The following TECPR1 variants were observed in gnomAD, a reference collection of about 807,000 sequenced individuals.
The protein encoded by TECPR1 is tectonin beta-propeller repeat-containing protein 1.
In TECPR1, 122 loss-of-function variants were observed where a neutral mutation model predicts 162.4. The ratio of observed to expected loss-of-function variants is 0.75; its 90% CI spans 0.65 to 0.87. The LOEUF is 0.87. Ranked by LOEUF, TECPR1 falls within the 40% of genes least tolerant of loss-of-function variation. The pLI is 0.00. For synonymous variants in TECPR1, 642 were observed against 670.6 expected (o/e 0.96, Z 0.66); for missense variants, 1,432 against 1,618.2 (o/e 0.88, Z 1.97).
chr7:98,231,320 C>G lies in TECPR1; in HGVS notation c.2028G>C (p.Glu676Asp). Reference sequence around the variant, plus strand: ...TGTACAGGGCAAAGGAGTGCTTGGTCTCGTTCAGCACTGGGACCAGCGCCA... The same window carrying G: ...TGTACAGGGCAAAGGAGTGCTTGGTGTCGTTCAGCACTGGGACCAGCGCCA... The part of the protein sequence containing the change: ...EVVALVPVLN[E>D]TKHSFALYTP... Residue 676 changes from glutamate to aspartate, a missense_variant, in exon 14 of 26, where the codon GAG (glutamate) becomes GAC (aspartate). Physicochemically the swap from Glu to Asp is conservative, Grantham distance 45. Coordinates refer to ENST00000447648, the MANE Select transcript of TECPR1 (RefSeq NM_015395.3). 1 of 1,611,796 alleles carries G rather than the reference C, an allele frequency of 6.2e-7. No individual in the cohort carries two copies. Among genetic ancestry groups the G allele is most frequent in the Admixed American group, 1.7e-5 (1 of 59,616 alleles).
chr7:98,248,736 A>G (rs1798978487), intron 2 of TECPR1, among the ~76,000 whole-genome samples: 1 of 151,656 alleles, frequency 6.6e-6, no homozygotes, highest in African/African-American at 2.4e-5. Context: ...AATCTCAGTT[A>G]CTCAGGAGAC....
At chr7:98,243,930 G>A (rs1161818204) in intron 5 of TECPR1, among the ~76,000 whole-genome samples, 2 of 152,200 alleles carry the variant, frequency 1.3e-5, no homozygotes, top group Admixed American at 6.5e-5. Flanking sequence ...GGGCATGGTG[G>A]TGCATGCCTG....
At position 98,240,910 on chromosome 7, in the gene TECPR1, C is replaced by A; in HGVS notation, c.874G>T (p.Gly292Trp). The A allele has an allele frequency of 6.2e-7, 1 of 1,609,682 alleles. No homozygotes were observed. The highest frequency in any genetic ancestry group is 2.2e-5 in the East Asian group (1 of 44,832). ...SIVEPPGSENGVMHISVGVSV... is the reference protein window; with the variant it reads ...SIVEPPGSENWVMHISVGVSV... Reference sequence around the variant, plus strand: ...ACTCCCACCGAGATGTGCATGACCCCGTTTTCAGATCCAGGAGGCTCCACG... The same window carrying A: ...ACTCCCACCGAGATGTGCATGACCCAGTTTTCAGATCCAGGAGGCTCCACG... Residue 292 changes from glycine (G) to tryptophan (W), a missense_variant, in exon 8 of 26, where the codon GGG becomes TGG. Physicochemically the swap from Gly to Trp is radical, Grantham distance 184. Coordinates refer to ENST00000447648, the MANE Select transcript of TECPR1 (RefSeq NM_015395.3).
At chr7:98,249,256 A>G (rs1365080601) in intron 2 of TECPR1, among the ~76,000 whole-genome samples, 1 of 152,076 alleles carries the variant, frequency 6.6e-6, no homozygotes, top group African/African-American at 2.4e-5. Flanking sequence ...GAGGAACAGG[A>G]AGACAGGAAG....
Position 98,221,701 on chromosome 7 carries a change from C to T in TECPR1, c.3117G>A (p.Val1039=), listed in dbSNP as rs371408719. 35 of 1,613,482 alleles carry T rather than the reference C, an allele frequency of 2.2e-5. No individual in the cohort carries two copies. The highest frequency in any genetic ancestry group is 2.0e-5 in the Non-Finnish European group (24 of 1,179,862). The stretch of plus-strand genomic sequence containing the variant: ...CATACACCGACGTCTGCCCCGCGGA[C>T]ACCTGCTTCAGCCTCTGTCTCGGTG... The part of the protein sequence containing the change: ...PSPPRQRLKQ[V]SAGQTSVYAL... Residue 1039 remains valine (V), a synonymous_variant, in exon 23 of 26, where the codon GTG becomes GTA. Transcript: ENST00000447648.
At chr7:98,228,237 G>A in intron 16 of TECPR1, 121 bp from the exon 17 acceptor site, 2 of 772,528 alleles carry the variant, frequency 2.6e-6, no homozygotes, top group Non-Finnish European at 4.4e-6. Context: ...CAGGTCAGCG[G>A]AGAGGAGCAA....
Position 98,215,130 on chromosome 7 carries a change from C to T in TECPR1, c.*2260G>A, listed in dbSNP as rs1797972736. The T allele has an allele frequency of 6.6e-6, 1 of 152,288 alleles. No individual in the cohort carries two copies. Among genetic ancestry groups the T allele is most frequent in the Admixed American group, 6.5e-5 (1 of 15,288 alleles). 9.4% of individuals were successfully genotyped at this position (152,288 alleles called of 1,614,324 possible). A position where few individuals can be genotyped will look rare whatever the true frequency, so the allele number is the denominator to read the frequency against. On this transcript the variant is annotated 3_prime_UTR_variant, in exon 26 of 26. Coordinates refer to ENST00000447648, the MANE Select transcript of TECPR1 (RefSeq NM_015395.3). ...TCCCTGCACAAGCAGGTCAGAGACC[C>T]ACCCACATGCCGTTCCTGGGCTACG...
In TECPR1 at chr7:98,217,637, C is replaced by T. The variant is rs1166696052; in HGVS notation, c.3384+55G>A. ...CCCACAGTGGTCGTCCCGTCTTCAG[C>T]ACCCAGTGCAGGCACAAGGTGATAA... is the stretch of plus-strand genomic sequence containing the variant. On this transcript the variant is annotated intron_variant, in intron 25 of 25. Coordinates refer to ENST00000447648, the MANE Select transcript of TECPR1 (RefSeq NM_015395.3). 10 of 1,518,350 alleles carry T rather than the reference C, an allele frequency of 6.6e-6. No homozygotes were observed. The African/African-American group carries it at 1.4e-4, about 21-fold the overall frequency. The allele number at this position is 1,518,350 out of a possible 1,614,324, so 94.1% of individuals were successfully genotyped here.
chr7:98,227,542 C>T (rs940483240), intron 17 of TECPR1, among the ~76,000 whole-genome samples: 4 of 151,866 alleles, frequency 2.6e-5, no homozygotes, highest in Non-Finnish European at 4.4e-5. Flanking sequence ...GACTTCTGAC[C>T]GGGCGTGGTG....
intron 8 of TECPR1, among the ~76,000 whole-genome samples, chr7:98,239,163 C>T (rs1480246385): frequency 6.6e-6 from 1 of 152,234 alleles, no homozygotes; most frequent in East Asian, 1.9e-4. Flanking sequence ...CCCCGCCACC[C>T]GGCATTCCAT....
Position 98,218,008 on chromosome 7 carries a change from G to T in TECPR1, c.3192C>A (p.Ser1064Arg). The T allele has an allele frequency of 6.4e-7, 1 of 1,567,892 alleles. No homozygotes were observed. The highest frequency in any genetic ancestry group is 1.9e-5 in the Admixed American group (1 of 53,026). ...GCTCCCAGCTGGAGCCCTGCGGGTA[G>T]CTGGGCGTGATCCCTTGGCGATACC... ...NLWYRQGITP[S>R]YPQGSSWEHV... Residue 1064 changes from serine to arginine, a missense_variant, in exon 24 of 26, where the codon AGC becomes AGA. Coordinates refer to ENST00000447648, the MANE Select transcript of TECPR1 (RefSeq NM_015395.3).
chr7:98,218,826 C>T (rs1399861884), intron 23 of TECPR1, among the ~76,000 whole-genome samples: 1 of 152,032 alleles, frequency 6.6e-6, no homozygotes, highest in East Asian at 1.9e-4. Context: ...AAGCAATCTA[C>T]AGATTCAATG....
At chr7:98,228,466 TG>T in intron 16 of TECPR1, 1 of 288,826 alleles carries the variant, frequency 3.5e-6, no homozygotes, top group South Asian at 4.5e-5. Flanking sequence ...CAAAGGCACC[TG>T]GGACCATCAA....
rs189410525 is a variant in TECPR1, at chr7:98,232,884, C to T, written c.1761G>A (p.Thr587=). 983 of 1,612,958 alleles carry T rather than the reference C, an allele frequency of 6.1e-4. 4 individuals are homozygous for T. The African/African-American group carries it at 0.011, about 19-fold the overall frequency. Residue 587 remains threonine (T), a synonymous_variant, in exon 12 of 26, where the codon ACG becomes ACA. Transcript: ENST00000447648. This position sits in a 1 kb window ranked among gnomAD's most constrained non-coding sequence, Gnocchi z 4.6. ...AWRKQIFQQL[T]ERTKRELENF... is the part of the protein sequence containing the mutation. ...TCTCCAGCTCCCGCTTGGTCCTTTC[C>T]GTGAGCTGCTGGAAGATCTGCTTCC...
rs567704998 is a variant in TECPR1 at position 98,246,457 on chromosome 7, G to A, written c.-19-292C>T. On this transcript the variant is annotated intron_variant, in intron 2 of 25. Coordinates refer to ENST00000447648, the MANE Select transcript of TECPR1 (RefSeq NM_015395.3). ...AGTTTTTGTATTTTTAGTAGAGACG[G>A]GGTTTCGCCACATTGGCCAGGCTGG... Among the ~76,000 whole-genome samples the A allele has an allele frequency of 4.1e-4, 63 of 152,008 alleles. No individual in the cohort carries two copies. The Middle Eastern group carries it at 0.01, about 25-fold the overall frequency.
chr7:98,245,205 G>T, intron 3 of TECPR1, 138 bp from the exon 4 acceptor site: 1 of 930,794 alleles, frequency 1.1e-6, no homozygotes, highest in Non-Finnish European at 1.6e-6. Context: ...AGTGAGCAGA[G>T]GGCCTGTGTG....
Position 98,246,050 on chromosome 7 carries a change from G to C in TECPR1, c.97C>G (p.Leu33Val), listed in dbSNP as rs1584359238. ...GTGGCGCTGACGCGCTTGAACTCCA[G>C]CTGGGAGTCCTTGCACATTTCCCAG... The part of the protein sequence containing the change: ...QYWEMCKDSQ[L>V]EFKRVSATTQ... The change falls in exon 3 of 26, where the codon CTG (leucine) becomes GTG (valine). Residue 33 changes from leucine to valine, a missense_variant. Coordinates refer to ENST00000447648, the MANE Select transcript of TECPR1 (RefSeq NM_015395.3). The C allele has an allele frequency of 2.5e-6, 4 of 1,579,694 alleles. No homozygotes were observed. In the East Asian group the frequency reaches 9.3e-5, roughly 37 times the overall value.
chr7:98,245,930 C>A lies in TECPR1; in HGVS notation c.217G>T (p.Glu73Ter). 1 of 1,598,348 alleles carries A rather than the reference C, an allele frequency of 6.3e-7. No homozygotes were observed. The highest frequency in any genetic ancestry group is 1.1e-5 in the South Asian group (1 of 88,254). ...ACCATGAGGGTCACTACCTGATTCT[C>A]ATAGGCCTCCTCTCGGCGGCGGATG... ...VPIRRREEAY[E>*]NQRWNPMGGF... The change falls in exon 3 of 26, where the codon GAG (glutamate) becomes TAG (stop). Residue 73 changes from glutamate (E) to a stop codon, truncating the protein, a stop_gained. Transcript: ENST00000447648. LOFTEE classifies it high-confidence loss of function.
chr7:98,230,972 G>T lies in TECPR1; in HGVS notation c.2271C>A (p.Pro757=), dbSNP rs372289305. 6.2e-7 allele frequency: 1 copy of T among 1,611,794 alleles called. No homozygotes were observed. Among genetic ancestry groups the T allele is most frequent in the Non-Finnish European group, 8.5e-7 (1 of 1,179,290 alleles). The change falls in exon 15 of 26, where the codon CCC becomes CCA. Residue 757 remains proline, a synonymous_variant. Transcript: ENST00000447648. ...TGCGGCTCACTCACATCTGGTCGCA[G>T]GGCAGGGGGTGCTCGTGGGCCTCCA... ...PDLEAHEHPL[P]CDQMFWRQMG...
Sources: allele counts gnomAD v4.1 joint callset (sites outside exome capture counted in the v4.1 genomes callset), GRCh38; gene constraint gnomAD v4.1.1; non-coding constraint Gnocchi (gnomAD v3.1); transcripts MANE v1.5; gene names NCBI Gene and HGNC (gene_info 2026-07-23, HGNC 2026-07-21).